The following MYH9 variants were observed in gnomAD, a reference collection of about 807,000 sequenced individuals.
MYH9 encodes the protein myosin-9.
MYH9 carries 29 observed loss-of-function variants against 241.9 expected under a neutral mutation model. The observed-to-expected ratio is 0.12, with a 90% CI of 0.09 to 0.16. The LOEUF (loss-of-function observed/expected upper bound fraction) is 0.16. MYH9 is among the 10% of genes least tolerant of loss of function. MYH9 has a pLI of 1.00. For synonymous variants in MYH9, 1,047 were observed against 1,062.6 expected (o/e 0.99, Z 0.29); for missense variants, 1,803 against 2,595.5 (o/e 0.69, Z 6.63).
At chr22:36,302,818 C>T (rs1181480716) in intron 19 of MYH9, 142 bp from the exon 20 acceptor site, 5 of 710,210 alleles carry the variant, frequency 7.0e-6, no homozygotes, top group Non-Finnish European at 1.2e-5. Context: ...GGGGTCTGGC[C>T]TTGGGGTTGA....
At chr22:36,328,684 C>A (rs887282990) in intron 3 of MYH9, among the ~76,000 whole-genome samples, 1 of 152,250 alleles carries the variant, frequency 6.6e-6, no homozygotes, top group East Asian at 1.9e-4. Flanking sequence ...CCCAACGCGA[C>A]GTCGCCACGA....
rs758437344 is a variant in MYH9 at position 36,341,405 on chromosome 22, G to A, written c.455C>T (p.Ala152Val). 10 of 1,614,002 alleles carry A rather than the reference G, an allele frequency of 6.2e-6. No individual in the cohort carries two copies. The highest frequency in any genetic ancestry group is 8.5e-6 in the Non-Finnish European group (10 of 1,179,994). ...ACTCCTGTAGGCGGTGTCTGTGATG[G>A]CATAGATGTGAGGGGGCATCTCGTG... is the stretch of plus-strand genomic sequence containing the variant. Reference protein sequence around the residue: ...KRHEMPPHIYAITDTAYRSMM... With the variant: ...KRHEMPPHIYVITDTAYRSMM... The change falls in exon 3 of 41, where the codon GCC (alanine) becomes GTC (valine). Residue 152 changes from alanine to valine, a missense_variant. This residue lies in a region of MYH9 where 72 missense variants were observed against 134.3 expected (regional missense o/e 0.54). Transcript: ENST00000216181.
chr22:36,299,141 A>G, intron 23 of MYH9, 99 bp from the exon 24 acceptor site: 1 of 1,473,864 alleles, frequency 6.8e-7, no homozygotes, highest in Non-Finnish European at 9.4e-7. Context: ...GGCTGAATGG[A>G]GAGGGCTTTA....
chr22:36,341,353 C>A lies in MYH9; in HGVS notation c.490+17G>T, dbSNP rs2017586360. On this transcript the variant is annotated intron_variant, in intron 3 of 40. Transcript: ENST00000216181. ...GTGAAGATTCAGCCCCAGGTGGGCA[C>A]ACACTACGTCACCCACCTTGCATCA... 1.2e-6 allele frequency: 2 copies of A among 1,613,122 alleles called. No individual in the cohort carries two copies. Among genetic ancestry groups the A allele is most frequent in the East Asian group, 4.5e-5 (2 of 44,868 alleles).
chr22:36,368,591 T>A (rs758996146), intron 1 of MYH9, among the ~76,000 whole-genome samples: 2 of 152,170 alleles, frequency 1.3e-5, no homozygotes, highest in Non-Finnish European at 2.9e-5. Context: ...AGCACCAGTA[T>A]CTGTCCTCCT....
intron 4 of MYH9, 67 bp downstream of exon 4, chr22:36,327,394 A>C: frequency 2.5e-6 from 4 of 1,588,756 alleles, no homozygotes; most frequent in East Asian, 4.5e-5. Flanking sequence ...TGGTTTCAGT[A>C]GGAGACCTCA....
intron 1 of MYH9, among the ~76,000 whole-genome samples, chr22:36,370,062 G>A (rs2018067069): frequency 6.6e-6 from 1 of 152,182 alleles, no homozygotes; most frequent in Non-Finnish European, 1.5e-5. Context: ...ATTGTGGACA[G>A]ATAAAACATA....
intron 12 of MYH9, among the ~76,000 whole-genome samples, chr22:36,314,747 C>T (rs564315979): frequency 3.3e-5 from 5 of 152,150 alleles, no homozygotes; most frequent in Admixed American, 3.3e-4. Context: ...TTCCTGGGCT[C>T]AAGTGATCCT....
rs753053618 is a variant in MYH9, at chr22:36,284,248, G to A, written c.5610C>T (p.Thr1870=). The change falls in exon 40 of 41, where the codon ACC becomes ACT. Residue 1870 remains threonine, a synonymous_variant. Coordinates refer to ENST00000216181, the MANE Select transcript of MYH9 (RefSeq NM_002473.6). ...QYKDQADKAS[T]RLKQLKRQLE... ...GCTGCCGCTTGAGCTGCTTCAGGCG[G>A]GTAGATGCCTTGTCGGCCTGCGGAG... 23 of 1,611,664 alleles carry A rather than the reference G, an allele frequency of 1.4e-5. No homozygotes were observed. The highest frequency in any genetic ancestry group is 1.6e-5 in the Non-Finnish European group (19 of 1,179,538).
At chr22:36,336,750 T>C (rs1475179066) in intron 3 of MYH9, among the ~76,000 whole-genome samples, 1 of 152,186 alleles carries the variant, frequency 6.6e-6, no homozygotes, top group African/African-American at 2.4e-5. Context: ...TCGCCACACC[T>C]GACAAAACTC....
chr22:36,354,926 C>T (rs2017828636), intron 1 of MYH9, among the ~76,000 whole-genome samples: 1 of 143,864 alleles, frequency 7.0e-6, no homozygotes, highest in Admixed American at 7.1e-5. Flanking sequence ...CATCATCTAC[C>T]ACTTAAAAAA....
intron 23 of MYH9, among the ~76,000 whole-genome samples, 156 bp from the exon 24 acceptor site, chr22:36,299,198 TTTGAA>T (rs1222412087): frequency 6.6e-6 from 1 of 152,166 alleles, no homozygotes; most frequent in Admixed American, 6.5e-5. Flanking sequence ...AAAGGATAAT[TTTGAA>T]AGGTCACGAG....
rs192529746 is a variant in MYH9 at position 36,312,343 on chromosome 22, C to A, written c.1555-121G>T. On this transcript the variant is annotated intron_variant, in intron 13 of 40. Coordinates refer to ENST00000216181, the MANE Select transcript of MYH9 (RefSeq NM_002473.6). ...TCCCACAGACGGTGGGCGACACACT[C>A]CCCAGGAGAAGCAAAGCACTGTTGA... 294 of 982,742 alleles carry A rather than the reference C, an allele frequency of 3.0e-4. 2 individuals are homozygous for A. The East Asian group carries it at 7.5e-3, about 25-fold the overall frequency. 60.9% of individuals were successfully genotyped at this position (982,742 alleles called of 1,614,324 possible).
In MYH9 at chr22:36,285,507, G is replaced by A; in HGVS notation, c.5274+151C>T. The stretch of plus-strand genomic sequence containing the variant: ...ACACCCAACACAGAAGCCAGAGGGG[G>A]ACCTTTCAGGTCCAGGTGCCTGGAC... On this transcript the variant is annotated intron_variant, in intron 37 of 40. Coordinates refer to ENST00000216181, the MANE Select transcript of MYH9 (RefSeq NM_002473.6). This position sits in a 1 kb window ranked among gnomAD's most constrained non-coding sequence, Gnocchi z 7.0. 7.4e-7 allele frequency: 1 copy of A among 1,356,894 alleles called. No homozygotes were observed. Among genetic ancestry groups the A allele is most frequent in the East Asian group, 2.4e-5 (1 of 41,202 alleles). 84.1% of individuals were successfully genotyped at this position (1,356,894 alleles called of 1,614,324 possible).
chr22:36,299,848 C>T (rs1192291711), intron 23 of MYH9, among the ~76,000 whole-genome samples: 5 of 152,192 alleles, frequency 3.3e-5, no homozygotes, highest in African/African-American at 4.8e-5. Context: ...GCACAGATGG[C>T]CACCTTTACA....
intron 3 of MYH9, among the ~76,000 whole-genome samples, chr22:36,335,313 T>TG (rs1321548639): frequency 6.6e-6 from 1 of 152,226 alleles, no homozygotes; most frequent in African/African-American, 2.4e-5. Context: ...CGCCCCATCT[T>TG]GGAGAGCCCA....
chr22:36,304,249 CCTT>C, intron 18 of MYH9, 94 bp from the exon 19 acceptor site: 2 of 1,352,476 alleles, frequency 1.5e-6, no homozygotes, highest in Non-Finnish European at 2.1e-6. Flanking sequence ...TGCCCTTCAC[CCTT>C]CTTCTCACTG....
intron 10 of MYH9, among the ~76,000 whole-genome samples, chr22:36,319,327 T>G (rs1362297974): frequency 6.6e-6 from 1 of 152,150 alleles, no homozygotes; most frequent in East Asian, 1.9e-4. Context: ...CTGGTCCACA[T>G]GATCACAAGT....
At chr22:36,348,751 A>G (rs368191135) in intron 2 of MYH9, among the ~76,000 whole-genome samples, 153 bp downstream of exon 2, 128 of 152,254 alleles carry the variant, frequency 8.4e-4, no homozygotes, top group African/African-American at 2.5e-3. Flanking sequence ...TCAGATGTCA[A>G]AGTTCAAGGA....
Sources: gnomAD v4.1 joint callset for allele counts (sites outside exome capture counted in the v4.1 genomes callset) on GRCh38, gnomAD v4.1.1 for gene constraint, gnomAD v4.1.1 regional missense constraint, Gnocchi (gnomAD v3.1) non-coding constraint, MANE v1.5 for transcripts, NCBI Gene and HGNC (gene_info 2026-07-23, HGNC 2026-07-21) for gene names.